LARP1: variants seen among roughly 807,000 people sequenced by gnomAD.
The protein encoded by LARP1 is La ribonucleoprotein 1, translational regulator.
In LARP1, 36 loss-of-function variants were observed where a neutral mutation model predicts 122.7. The observed-to-expected ratio is 0.29, with a 90% CI of 0.22 to 0.39. The LOEUF (loss-of-function observed/expected upper bound fraction) is 0.39. Ranked by LOEUF, LARP1 falls within the 10% of genes least tolerant of loss-of-function variation. The pLI, the probability that LARP1 is intolerant of heterozygous loss-of-function variation, is 1.00. For synonymous variants in LARP1, 539 were observed against 528.7 expected, an observed-to-expected ratio of 1.02 and a Z score of -0.27; for missense variants, 1,040 against 1,403.6, an observed-to-expected ratio of 0.74 and a Z score of 4.14.
chr5:154,757,482 G>C (rs1754064854), intron 1 of LARP1, among the ~76,000 whole-genome samples: 2 of 151,940 alleles, frequency 1.3e-5, no homozygotes, highest in South Asian at 2.1e-4. Context: ...GTCCGTTTGT[G>C]GTGGGTCGGT....
chr5:154,811,170 T>C, intron 16 of LARP1, 77 bp from the exon 17 acceptor site: 2 of 1,042,476 alleles, frequency 1.9e-6, no homozygotes, highest in East Asian at 2.4e-5. Flanking sequence ...TGTTTCATAG[T>C]TCCTCTGTTA....
intron 1 of LARP1, among the ~76,000 whole-genome samples, chr5:154,760,405 C>T (rs942790839): frequency 1.3e-5 from 2 of 152,136 alleles, no homozygotes; most frequent in Admixed American, 6.5e-5. Context: ...AAAACTCCCT[C>T]CCCACAAAAG....
rs1215997073 is a variant in LARP1 at position 154,802,603 on chromosome 5, A to G, written c.2109+204A>G. 6.6e-6 allele frequency among the ~76,000 whole-genome samples: 1 copy of G among 152,216 alleles called. No individual in the cohort carries two copies. The highest frequency in any genetic ancestry group is 2.4e-5 in the African/African-American group (1 of 41,462). On this transcript the variant is annotated intron_variant, in intron 11 of 18. Coordinates refer to ENST00000518297, the MANE Select transcript of LARP1 (RefSeq NM_033551.3). The surrounding 1 kb of genome is among the most constrained non-coding windows in gnomAD (Gnocchi z 5.1). ...GATGTGTAAACACTGCAAACTCTTC[A>G]GGTGAGGCGGTGGTGATTATTATCC... is the stretch of plus-strand genomic sequence containing the variant.
intron 18 of LARP1, among the ~76,000 whole-genome samples, chr5:154,812,026 CTT>C (rs1371549102): frequency 1.3e-5 from 2 of 152,142 alleles, no homozygotes; most frequent in Admixed American, 6.5e-5. Flanking sequence ...GCCCAGGTCT[CTT>C]ATGTTCTTGG....
chr5:154,754,953 G>C (rs1025351392), upstream of LARP1, among the ~76,000 whole-genome samples: 1 of 152,218 alleles, frequency 6.6e-6, no homozygotes, highest in African/African-American at 2.4e-5. Context: ...AGCACGAGCA[G>C]GCCCGGCAGG....
At chr5:154,795,119 C>T (rs1757642755) in intron 7 of LARP1, 56 bp from the exon 8 acceptor site, 2 of 1,551,960 alleles carry the variant, frequency 1.3e-6, no homozygotes, top group East Asian at 2.2e-5. Context: ...GGAAGGCATA[C>T]TCATAAAACT....
intron 1 of LARP1, among the ~76,000 whole-genome samples, chr5:154,715,264 C>CTT (rs35808885): frequency 1.6e-3 from 140 of 90,216 alleles, no homozygotes; most frequent in East Asian, 4.3e-3. Flanking sequence ...GCAAGCCTCT[C>CTT]TTTTTTTTTT....
chr5:154,717,205 T>G (rs541495903), intron 1 of LARP1, among the ~76,000 whole-genome samples: 1 of 152,156 alleles, frequency 6.6e-6, no homozygotes, highest in South Asian at 2.1e-4. Flanking sequence ...ACAACCAACT[T>G]GAGCTGCTGC....
At chr5:154,693,843 A>G (rs1264411817) in intron 1 of LARP1, among the ~76,000 whole-genome samples, 1 of 144,692 alleles carries the variant, frequency 6.9e-6, no homozygotes, top group Admixed American at 6.8e-5. Context: ...GCGACAGAGC[A>G]AGACTCCGTC....
Position 154,801,446 on chromosome 5 carries a change from G to A in LARP1, c.1717-561G>A, listed in dbSNP as rs1758349520. On this transcript the variant is annotated intron_variant, in intron 10 of 18. Transcript: ENST00000518297. ...TGTTTGGTTGACTTTCTCCCATTGA[G>A]CTCCCTAAGTAACAGGGACCTTGTC... Among the ~76,000 whole-genome samples the A allele has an allele frequency of 4.6e-5, 7 of 152,146 alleles. No individual in the cohort carries two copies. In the South Asian group the frequency reaches 1.4e-3, roughly 31 times the overall value.
At chr5:154,720,648 G>A (rs1308166277) in intron 1 of LARP1, among the ~76,000 whole-genome samples, 1 of 151,816 alleles carries the variant, frequency 6.6e-6, no homozygotes, top group Non-Finnish European at 1.5e-5. Context: ...GGAGCTTGAG[G>A]CTGCAGTGAG....
At chr5:154,751,281 G>C (rs1014635309), upstream of LARP1, among the ~76,000 whole-genome samples, 4 of 152,178 alleles carry the variant, frequency 2.6e-5, no homozygotes, top group African/African-American at 9.7e-5. Context: ...ATGATGCTGA[G>C]TACCCACCTT....
At position 154,742,159 on chromosome 5, in the gene LARP1, C is replaced by G. The variant is rs185541543; in HGVS notation, c.205+29029C>G. On this transcript the variant is annotated intron_variant, in intron 1 of 18. Transcript: ENST00000336314. ...TCTGCACTTCACTCCTGTGATCATC[C>G]TTTTTTCCATAGAGGTAGGAAACGT... Among the ~76,000 whole-genome samples the G allele has an allele frequency of 3.9e-5, 6 of 152,304 alleles. No individual in the cohort carries two copies. The East Asian group carries it at 1.2e-3, about 29-fold the overall frequency.
intron 1 of LARP1, 58 bp from the exon 2 acceptor site, chr5:154,790,267 G>A: frequency 2.1e-6 from 3 of 1,446,762 alleles, no homozygotes; most frequent in Non-Finnish European, 1.9e-6. Context: ...GTGAGGAGCT[G>A]GCAGTAGCCC....
intron 1 of LARP1, among the ~76,000 whole-genome samples, chr5:154,689,555 G>A (rs1405631092): frequency 1.3e-5 from 2 of 151,496 alleles, no homozygotes; most frequent in African/African-American, 4.9e-5. Context: ...AGGAGGCAGA[G>A]GTTGCAGTGA....
chr5:154,765,895 C>T (rs1221103620), intron 1 of LARP1, among the ~76,000 whole-genome samples: 1 of 152,230 alleles, frequency 6.6e-6, no homozygotes, highest in Admixed American at 6.5e-5. Flanking sequence ...ATAGGGGATA[C>T]TGCAGTGCAT....
chr5:154,729,752 A>T (rs1328885066), intron 1 of LARP1: 2 of 221,688 alleles, frequency 9.0e-6, no homozygotes, highest in Non-Finnish European at 1.8e-5. Flanking sequence ...CAAAGAAAAA[A>T]CTTCAATGTA....
Position 154,814,259 on chromosome 5 carries a change from G to A in LARP1, c.*163G>A, listed in dbSNP as rs1759517772. The A allele has an allele frequency of 4.5e-6, 3 of 670,686 alleles. No individual in the cohort carries two copies. Among genetic ancestry groups the A allele is most frequent in the Non-Finnish European group, 7.6e-6 (3 of 394,242 alleles). 41.5% of individuals were successfully genotyped at this position (670,686 alleles called of 1,614,324 possible). A position where few individuals can be genotyped will look rare whatever the true frequency, so the allele number is the denominator to read the frequency against. On this transcript the variant is annotated 3_prime_UTR_variant, in exon 19 of 19. Coordinates refer to ENST00000518297, the MANE Select transcript of LARP1 (RefSeq NM_033551.3). ...AATGTATACACCATTTGGGCTATCA[G>A]AGGTACCCCTGGGCAGGAGCCTCTA...
At chr5:154,692,609 C>T (rs1754275695) in intron 1 of LARP1, among the ~76,000 whole-genome samples, 1 of 152,114 alleles carries the variant, frequency 6.6e-6, no homozygotes, top group Admixed American at 6.5e-5. Flanking sequence ...AAGGCCATTG[C>T]CTGTGAAGAC....
Sources: allele counts gnomAD v4.1 joint callset (sites outside exome capture counted in the v4.1 genomes callset), GRCh38; gene constraint gnomAD v4.1.1; non-coding constraint Gnocchi (gnomAD v3.1); transcripts MANE v1.5; gene names NCBI Gene and HGNC (gene_info 2026-07-23, HGNC 2026-07-21).